THRA: variants seen among roughly 807,000 people sequenced by gnomAD.
The protein encoded by THRA is thyroid hormone receptor alpha, also known as EAR-7.
A neutral mutation model predicts 45.0 loss-of-function variants in THRA; 13 were observed. The ratio of observed to expected loss-of-function variants is 0.29; its 90% CI spans 0.19 to 0.46. The LOEUF (loss-of-function observed/expected upper bound fraction) is 0.46. Among genes scored for constraint, THRA ranks in the 20% least tolerant of loss-of-function variants. The pLI, the probability that THRA is intolerant of heterozygous loss-of-function variation, is 1.00. For missense variants in THRA, 278 were observed against 556.1 expected (o/e 0.50, Z 5.03); for synonymous variants, 195 against 214.0 (o/e 0.91, Z 0.78).
intron 2 of THRA, among the ~76,000 whole-genome samples, chr17:40,076,457 A>AG (rs140860764): frequency 2.0e-5 from 3 of 152,274 alleles, no homozygotes; most frequent in Non-Finnish European, 4.4e-5. Flanking sequence ...TTTATAGTGA[A>AG]GGTTGCATGG....
In THRA at chr17:40,091,147, G is replaced by A. The variant is rs1987521584; in HGVS notation, c.*1691G>A. Reference sequence around the variant, plus strand: ...GGGGGGAGGGGTGCCAGGGCTTCCTGCGCTTTGCACTATTGGGGCAAAAAT... The same window carrying A: ...GGGGGGAGGGGTGCCAGGGCTTCCTACGCTTTGCACTATTGGGGCAAAAAT... On this transcript the variant is annotated 3_prime_UTR_variant, in exon 9 of 9. Coordinates refer to ENST00000450525, the MANE Select transcript of THRA (RefSeq NM_199334.5). The A allele has an allele frequency of 6.6e-6, 1 of 152,242 alleles. No individual in the cohort carries two copies. The highest frequency in any genetic ancestry group is 6.6e-5 in the Admixed American group (1 of 15,252). 9.4% of individuals were successfully genotyped at this position (152,242 alleles called of 1,614,324 possible).
Position 40,089,544 on chromosome 17 carries a change from A to C in THRA, c.*88A>C, listed in dbSNP as rs925728210. On this transcript the variant is annotated 3_prime_UTR_variant, in exon 9 of 9. Transcript: ENST00000450525. This position sits in a 1 kb window ranked among gnomAD's most constrained non-coding sequence, Gnocchi z 6.1. ...GCTGGGGGCTGAGGGAGACCCCCCC[A>C]CACCCCTTCTCTCCTTCCTCTCGTC... 1.3e-4 allele frequency: 197 copies of C among 1,517,996 alleles called. 1 individual carries two copies. The highest frequency in any genetic ancestry group is 1.6e-4 in the Non-Finnish European group (184 of 1,136,038). The allele number at this position is 1,517,996 out of a possible 1,614,324, so 94.0% of individuals were successfully genotyped here. A position where few individuals can be genotyped will look rare whatever the true frequency, so the allele number is the denominator to read the frequency against.
At position 40,086,691 on chromosome 17, in the gene THRA, C is replaced by G; in HGVS notation, c.577-16C>G. ...AGGGGTCTGCGGCCCCAGCTGACCC[C>G]CGTCTTTCTCTCTAGCCCGATGACA... is the stretch of plus-strand genomic sequence containing the variant. On this transcript the variant is annotated splice_polypyrimidine_tract_variant and intron_variant, in intron 6 of 8. Coordinates refer to ENST00000450525, the MANE Select transcript of THRA (RefSeq NM_199334.5). 1 of 1,609,840 alleles carries G rather than the reference C, an allele frequency of 6.2e-7. No homozygotes were observed. Among genetic ancestry groups the G allele is most frequent in the Non-Finnish European group, 8.5e-7 (1 of 1,176,514 alleles).
At chr17:40,075,916 G>A (rs1986937855) in intron 2 of THRA, among the ~76,000 whole-genome samples, 1 of 152,234 alleles carries the variant, frequency 6.6e-6, no homozygotes, top group Admixed American at 6.5e-5. Context: ...CCTGGCCAAG[G>A]TCACTGTGTC....
At position 40,091,271 on chromosome 17, in the gene THRA, C is replaced by CACAT. The variant is rs1312308985; in HGVS notation, c.*1815_*1816insACAT. The CACAT allele has an allele frequency of 2.6e-5, 4 of 152,244 alleles. No homozygotes were observed. The highest frequency in any genetic ancestry group is 2.1e-4 in the South Asian group (1 of 4,792). 9.4% of individuals were successfully genotyped at this position (152,244 alleles called of 1,614,324 possible). A position where few individuals can be genotyped will look rare whatever the true frequency, so the allele number is the denominator to read the frequency against. The stretch of plus-strand genomic sequence containing the variant: ...ACACACACACACACACACACACACA[C>CACAT]GGACATGCACACACGGACATGGGAA... On this transcript the variant is annotated 3_prime_UTR_variant, in exon 9 of 9. Transcript: ENST00000450525.
At position 40,089,780 on chromosome 17, in the gene THRA, G is replaced by A. The variant is rs1395312981; in HGVS notation, c.*324G>A. ...TGAGAAGGGACAAGCCACCTTGACC[G>A]TAGGGGAAGGAGGAATGTGGGCTGG... On this transcript the variant is annotated 3_prime_UTR_variant, in exon 9 of 9. Transcript: ENST00000450525. The surrounding 1 kb of genome is among the most constrained non-coding windows in gnomAD (Gnocchi z 6.1). The A allele has an allele frequency of 7.7e-6, 9 of 1,176,142 alleles. 1 individual carries two copies. Among genetic ancestry groups the A allele is most frequent in the South Asian group, 4.0e-5 (2 of 49,726 alleles). The allele number at this position is 1,176,142 out of a possible 1,614,324, so 72.9% of individuals were successfully genotyped here.
rs1427462217 is a variant in THRA at position 40,074,345 on chromosome 17, A to G, written c.-144A>G. The G allele has an allele frequency of 5.9e-6, 5 of 847,918 alleles. No individual in the cohort carries two copies. Among genetic ancestry groups the G allele is most frequent in the East Asian group, 5.3e-5 (2 of 37,634 alleles). 52.5% of individuals were successfully genotyped at this position (847,918 alleles called of 1,614,324 possible). On this transcript the variant is annotated 5_prime_UTR_variant, in exon 2 of 9. Transcript: ENST00000450525. Reference sequence around the variant, plus strand: ...GGCGCAGGGCATGGTGTGAAAGGCCAAGTGCTGAGGCGGGTATCATGGGTG... The same window carrying G: ...GGCGCAGGGCATGGTGTGAAAGGCCGAGTGCTGAGGCGGGTATCATGGGTG...
intron 4 of THRA, among the ~76,000 whole-genome samples, chr17:40,083,347 A>G (rs28394691): frequency 0.099 from 15,007 of 152,148 alleles, 2,369 homozygotes; most frequent in African/African-American, 0.33. Flanking sequence ...GATTATAGGC[A>G]TGAGCCACTG....
intron 5 of THRA, chr17:40,084,349 T>C: frequency 1.9e-6 from 1 of 522,474 alleles, no homozygotes. Flanking sequence ...GGCAGGATAT[T>C]CGAGTAACCA....
intron 1 of THRA, among the ~76,000 whole-genome samples, chr17:40,063,537 C>T (rs1344548407): frequency 6.6e-6 from 1 of 152,184 alleles, no homozygotes; most frequent in Non-Finnish European, 1.5e-5. Flanking sequence ...AAAGCTGCCT[C>T]CAGCTGCGGA....
chr17:40,089,194 C>G lies in THRA; in HGVS notation c.983-12C>G. 6.2e-7 allele frequency: 1 copy of G among 1,613,200 alleles called. No homozygotes were observed. The highest frequency in any genetic ancestry group is 8.5e-7 in the Non-Finnish European group (1 of 1,179,652). On this transcript the variant is annotated splice_polypyrimidine_tract_variant and intron_variant, in intron 8 of 8. Transcript: ENST00000450525. This position sits in a 1 kb window ranked among gnomAD's most constrained non-coding sequence, Gnocchi z 6.1. ...CCAGCCCCTCGCCCCTCACGCCCCTCTTCCCTCACAGACCGCTCGGGCCTG... is the reference window on the plus strand; with the variant it reads ...CCAGCCCCTCGCCCCTCACGCCCCTGTTCCCTCACAGACCGCTCGGGCCTG...
chr17:40,064,340 C>T (rs1193805482), intron 1 of THRA, among the ~76,000 whole-genome samples: 3 of 152,224 alleles, frequency 2.0e-5, no homozygotes, highest in Non-Finnish European at 4.4e-5. Flanking sequence ...CATGCATGCA[C>T]ACAGAGCAAT....
At chr17:40,063,313 G>A (rs1387111445) in intron 1 of THRA, among the ~76,000 whole-genome samples, 1 of 152,130 alleles carries the variant, frequency 6.6e-6, no homozygotes, top group African/African-American at 2.4e-5. Context: ...AGGTCGCTGG[G>A]CCCCGGGGTT....
At chr17:40,069,910 G>C (rs544292191) in intron 1 of THRA, among the ~76,000 whole-genome samples, 9 of 151,988 alleles carry the variant, frequency 5.9e-5, no homozygotes, top group African/African-American at 2.2e-4. Context: ...TGGGGGAGCC[G>C]AGTGGGAAGC....
chr17:40,066,955 G>A (rs974784982), intron 1 of THRA, among the ~76,000 whole-genome samples: 1 of 148,368 alleles, frequency 6.7e-6, no homozygotes, highest in Non-Finnish European at 1.5e-5. Context: ...ATAACAAACT[G>A]TATATGTGAG....
At chr17:40,083,418 G>T (rs1366194693) in intron 4 of THRA, among the ~76,000 whole-genome samples, 1 of 151,222 alleles carries the variant, frequency 6.6e-6, no homozygotes, top group South Asian at 2.1e-4. Flanking sequence ...TCTTCATGTT[G>T]GTCAGGCTGG....
At chr17:40,066,578 C>T (rs374240535) in intron 1 of THRA, among the ~76,000 whole-genome samples, 4 of 149,968 alleles carry the variant, frequency 2.7e-5, no homozygotes, top group African/African-American at 7.4e-5. Flanking sequence ...GCAGGAGAAT[C>T]GCTTGAACCC....
Position 40,083,997 on chromosome 17 carries a change from T to G in THRA, c.370+15T>G. 1 of 1,603,166 alleles carries G rather than the reference T, an allele frequency of 6.2e-7. No individual in the cohort carries two copies. The highest frequency in any genetic ancestry group is 2.2e-5 in the East Asian group (1 of 44,534). ...GGCCATGGACTGTAAGGGGCCCAGG[T>G]GGAGGGAATAGAGCCAGGTGGCCTG... On this transcript the variant is annotated intron_variant, in intron 5 of 8. Coordinates refer to ENST00000450525, the MANE Select transcript of THRA (RefSeq NM_199334.5).
chr17:40,074,329 C>A lies in THRA; in HGVS notation c.-160C>A. The A allele has an allele frequency of 2.7e-6, 2 of 752,690 alleles. No individual in the cohort carries two copies. Among genetic ancestry groups the A allele is most frequent in the Non-Finnish European group, 4.4e-6 (2 of 449,878 alleles). The allele number at this position is 752,690 out of a possible 1,614,324, so 46.6% of individuals were successfully genotyped here. ...CGCCCGCCCCCCTTGGGGCGCAGGG[C>A]ATGGTGTGAAAGGCCAAGTGCTGAG... On this transcript the variant is annotated 5_prime_UTR_variant, in exon 2 of 9. Transcript: ENST00000450525.
Sources: allele counts gnomAD v4.1 joint callset (sites outside exome capture counted in the v4.1 genomes callset), GRCh38; gene constraint gnomAD v4.1.1; non-coding constraint Gnocchi (gnomAD v3.1); transcripts MANE v1.5; gene names NCBI Gene and HGNC (gene_info 2026-07-23, HGNC 2026-07-21).